The following MGMT variants were observed in gnomAD, a reference collection of about 807,000 sequenced individuals.
MGMT encodes methylated-DNA--protein-cysteine methyltransferase.
Under a neutral mutation model 15.9 loss-of-function variants are expected in MGMT, and 14 were observed. The observed-to-expected ratio is 0.88, with a 90% CI of 0.58 to 1.37. The LOEUF (loss-of-function observed/expected upper bound fraction) is 1.37, where lower values mean the gene tolerates loss of function less well. MGMT is among the 40% of genes most tolerant of loss of function. MGMT has a pLI of 0.00. For synonymous variants in MGMT, 130 were observed against 118.2 expected (o/e 1.10, Z -0.65); for missense variants, 282 against 268.1 (o/e 1.05, Z -0.36).
At chr10:129,728,731 G>A (rs369009234) in intron 3 of MGMT, among the ~76,000 whole-genome samples, 31 of 151,894 alleles carry the variant, frequency 2.0e-4, no homozygotes, top group African/African-American at 7.0e-4. Flanking sequence ...TCCCTGTTGT[G>A]TGCCCCACCA....
At chr10:129,620,761 CTG>C (rs1847082195) in intron 2 of MGMT, among the ~76,000 whole-genome samples, 1 of 152,102 alleles carries the variant, frequency 6.6e-6, no homozygotes, top group African/African-American at 2.4e-5. Flanking sequence ...GTATGCAAGT[CTG>C]TACTTTTTAT....
chr10:129,646,751 TA>T (rs1564747294), intron 2 of MGMT, among the ~76,000 whole-genome samples: 11 of 106,964 alleles, frequency 1.0e-4, no homozygotes, highest in East Asian at 4.8e-4. Flanking sequence ...TATATATATA[TA>T]TATTTTCAGG....
intron 1 of MGMT, among the ~76,000 whole-genome samples, chr10:129,488,196 A>C (rs1361343482): frequency 6.6e-6 from 1 of 152,120 alleles, no homozygotes; most frequent in Non-Finnish European, 1.5e-5. Context: ...AAAATGGTTA[A>C]AGCAGATTAG....
intron 2 of MGMT, among the ~76,000 whole-genome samples, chr10:129,654,217 G>C (rs538668341): frequency 6.6e-6 from 1 of 152,258 alleles, no homozygotes; most frequent in South Asian, 2.1e-4. Context: ...CCGAGAAGAC[G>C]GCAAGACCTC....
At chr10:129,605,641 G>A (rs897992268) in intron 2 of MGMT, among the ~76,000 whole-genome samples, 11 of 151,846 alleles carry the variant, frequency 7.2e-5, no homozygotes, top group East Asian at 1.9e-4. Context: ...TTGTCCTCCC[G>A]AGGAAAGGCT....
chr10:129,598,028 C>T (rs1355535628), intron 2 of MGMT, among the ~76,000 whole-genome samples: 1 of 152,288 alleles, frequency 6.6e-6, no homozygotes, highest in African/African-American at 2.4e-5. Context: ...TGGGCCTGCT[C>T]TGCAGTCAGG....
intron 2 of MGMT, among the ~76,000 whole-genome samples, chr10:129,680,772 G>GCTGCTTCCCCCGTGTGCCTGTGGCCC: frequency 6.6e-6 from 1 of 152,210 alleles, no homozygotes; most frequent in Non-Finnish European, 1.5e-5. Flanking sequence ...GGACGTGGCT[G>GCTGCTTCCCCCGTGTGCCTGTGGCCC]CTGCTTCCCC....
intron 3 of MGMT, among the ~76,000 whole-genome samples, chr10:129,708,739 TG>T: frequency 6.6e-6 from 1 of 152,240 alleles, no homozygotes; most frequent in East Asian, 1.9e-4. Context: ...ATCATTTTTG[TG>T]TATAAATGAA....
intron 3 of MGMT, among the ~76,000 whole-genome samples, chr10:129,733,292 A>C (rs988131633): frequency 4.6e-5 from 7 of 151,296 alleles, no homozygotes. Context: ...TTGGATTTGC[A>C]TTTCTCTGAT....
intron 3 of MGMT, among the ~76,000 whole-genome samples, chr10:129,745,242 T>C (rs529004043): frequency 6.2e-4 from 94 of 152,234 alleles, no homozygotes; most frequent in Non-Finnish European, 1.2e-3. Context: ...TGTTAATTTA[T>C]TTTTTAAATT....
intron 2 of MGMT, among the ~76,000 whole-genome samples, chr10:129,558,375 G>A (rs1183547784): frequency 6.6e-6 from 1 of 152,174 alleles, no homozygotes; most frequent in Non-Finnish European, 1.5e-5. Context: ...ATTTGTGGGT[G>A]TTTTTCCTTC....
At chr10:129,623,208 A>T (rs148401807) in intron 2 of MGMT, among the ~76,000 whole-genome samples, 1 of 152,210 alleles carries the variant, frequency 6.6e-6, no homozygotes, top group African/African-American at 2.4e-5. Context: ...CAGTCTAGTT[A>T]TGAAGAGAAG....
At chr10:129,474,283 G>T (rs1845265189) in intron 1 of MGMT, among the ~76,000 whole-genome samples, 1 of 152,190 alleles carries the variant, frequency 6.6e-6, no homozygotes, top group Non-Finnish European at 1.5e-5. Flanking sequence ...GGGGCTGGCA[G>T]GGGACTGATT....
At position 129,707,991 on chromosome 10, in the gene MGMT, G is replaced by A. The variant is rs771636952; in HGVS notation, c.222G>A (p.Glu74=). The A allele has an allele frequency of 6.2e-7, 1 of 1,613,812 alleles. No individual in the cohort carries two copies. The highest frequency in any genetic ancestry group is 8.5e-7 in the Non-Finnish European group (1 of 1,180,014). Residue 74 remains glutamate (E), a synonymous_variant, in exon 3 of 5, where the codon GAG becomes GAA. Coordinates refer to ENST00000651593, the MANE Select transcript of MGMT (RefSeq NM_002412.5). ...TGAATGCCTATTTCCACCAGCCCGA[G>A]GCTATCGAAGAGTTCCCCGTGCCGG... ...AWLNAYFHQP[E]AIEEFPVPAL...
intron 2 of MGMT, among the ~76,000 whole-genome samples, chr10:129,625,554 G>A (rs985627766): frequency 1.3e-5 from 2 of 152,172 alleles, no homozygotes; most frequent in Admixed American, 1.3e-4. Flanking sequence ...ATCAATCGGT[G>A]TAATTCTCCA....
chr10:129,479,679 C>A (rs931640113), intron 1 of MGMT, among the ~76,000 whole-genome samples: 4 of 151,972 alleles, frequency 2.6e-5, no homozygotes, highest in African/African-American at 9.7e-5. Flanking sequence ...AGACAAGAAC[C>A]CTCATGTTCT....
intron 2 of MGMT, among the ~76,000 whole-genome samples, chr10:129,570,188 A>G (rs1354940601): frequency 1.3e-5 from 2 of 152,276 alleles, no homozygotes; most frequent in African/African-American, 4.8e-5. Context: ...TTAAACCAGA[A>G]TCCAAGTAAG....
rs547634108 is a variant in MGMT, at chr10:129,567,670, G to A, written c.125+31293G>A. Among the ~76,000 whole-genome samples, 28 of 152,276 alleles carry A rather than the reference G, an allele frequency of 1.8e-4. No individual in the cohort carries two copies. In the South Asian group the frequency reaches 5.8e-3, roughly 32 times the overall value. ...CGGGTACAGATTTACTGGTGTCGGA[G>A]TTTTAACTGTAATACTGTGGAATGG... On this transcript the variant is annotated intron_variant, in intron 2 of 4. Transcript: ENST00000651593.
chr10:129,585,574 T>A (rs528027464), intron 2 of MGMT, among the ~76,000 whole-genome samples: 34 of 152,338 alleles, frequency 2.2e-4, no homozygotes, highest in African/African-American at 7.7e-4. Flanking sequence ...CCATATTTTT[T>A]AAATCATCTC....
Sources: gnomAD v4.1 joint callset for allele counts (sites outside exome capture counted in the v4.1 genomes callset) on GRCh38, gnomAD v4.1.1 for gene constraint, MANE v1.5 for transcripts, NCBI Gene and HGNC (gene_info 2026-07-23, HGNC 2026-07-21) for gene names.